DOCK10: variants seen among roughly 807,000 people sequenced by gnomAD.
DOCK10 encodes dedicator of cytokinesis 10.
In DOCK10, 145 loss-of-function variants were observed where a neutral mutation model predicts 280.1. The observed-to-expected ratio is 0.52, with a 90% CI of 0.45 to 0.59. The LOEUF (loss-of-function observed/expected upper bound fraction) is 0.59. Ranked by LOEUF, DOCK10 falls within the 20% of genes least tolerant of loss-of-function variation. The probability of loss-of-function intolerance (pLI) is 0.00; values close to 1 mark genes in which losing one functional copy is unlikely to be tolerated. For synonymous variants in DOCK10, 915 were observed against 942.2 expected, an observed-to-expected ratio of 0.97 and a Z score of 0.53; for missense variants, 2,368 against 2,651.7, an observed-to-expected ratio of 0.89 and a Z score of 2.35.
intron 51 of DOCK10, among the ~76,000 whole-genome samples, chr2:224,776,289 G>A (rs1304066208): frequency 6.6e-6 from 1 of 152,144 alleles, no homozygotes; most frequent in Non-Finnish European, 1.5e-5. Flanking sequence ...ACACTGTAAG[G>A]CGGGTATAAT....
At chr2:224,988,436 A>G (rs1488115399) in intron 1 of DOCK10, among the ~76,000 whole-genome samples, 2 of 152,216 alleles carry the variant, frequency 1.3e-5, no homozygotes, top group East Asian at 1.9e-4. Flanking sequence ...TGTGCCAGGC[A>G]CAGTGCTAAT....
At chr2:224,972,478 A>G (rs1346559165) in intron 1 of DOCK10, among the ~76,000 whole-genome samples, 1 of 152,234 alleles carries the variant, frequency 6.6e-6, no homozygotes, top group East Asian at 1.9e-4. Context: ...TTGGTAGAAG[A>G]ATCAAGATGC....
intron 2 of DOCK10, among the ~76,000 whole-genome samples, chr2:224,921,877 AT>A (rs1332891277): frequency 7.9e-5 from 12 of 152,080 alleles, no homozygotes; most frequent in Non-Finnish European, 1.8e-4. Context: ...AGGCGGGTGG[AT>A]CACCTGAGGT....
intron 50 of DOCK10, chr2:224,778,493 T>G (rs1187080476): frequency 3.3e-6 from 2 of 613,736 alleles, no homozygotes; most frequent in Non-Finnish European, 5.8e-6. Context: ...TGTAAATATT[T>G]CCTAGCCAGG....
chr2:224,797,001 A>C lies in DOCK10; in HGVS notation c.4790T>G (p.Phe1597Cys). 6.2e-7 allele frequency: 1 copy of C among 1,613,316 alleles called. No individual in the cohort carries two copies. Among genetic ancestry groups the C allele is most frequent in the Non-Finnish European group, 8.5e-7 (1 of 1,179,624 alleles). ...CCGGACAATTGACTTCTGCTTGTTAAATTCAAAATTCTTCCTCATGAAAAA... is the reference window on the plus strand; with the variant it reads ...CCGGACAATTGACTTCTGCTTGTTACATTCAAAATTCTTCCTCATGAAAAA... ...LYFFMRKNFE[F>C]NKQKSIVRSH... is the part of the protein sequence containing the mutation. The change falls in exon 43 of 56, where the codon TTT becomes TGT. Residue 1597 changes from phenylalanine to cysteine, a missense_variant. Phe to Cys is a radical substitution (Grantham distance 205). Coordinates refer to ENST00000258390, the MANE Select transcript of DOCK10 (RefSeq NM_014689.3).
rs148464672 is a variant in DOCK10 at position 224,889,074 on chromosome 2, C to T, written c.417-2543G>A. Among the ~76,000 whole-genome samples, 382 of 152,146 alleles carry T rather than the reference C, an allele frequency of 2.5e-3. 1 individual carries two copies. Among genetic ancestry groups the T allele is most frequent in the African/African-American group, 8.7e-3 (363 of 41,512 alleles). ...AATTAAATATGCAGAGATAATAAAA[C>T]GGTATTTGTTTTAAGATTATTTATA... On this transcript the variant is annotated intron_variant, in intron 4 of 55. Transcript: ENST00000258390.
At chr2:224,785,562 G>T (rs1038270028) in intron 50 of DOCK10, among the ~76,000 whole-genome samples, 2 of 152,038 alleles carry the variant, frequency 1.3e-5, no homozygotes, top group African/African-American at 4.8e-5. Flanking sequence ...CTCACTGCAA[G>T]CTCTGCCTCC....
At chr2:224,859,879 T>A (rs992553751) in intron 14 of DOCK10, among the ~76,000 whole-genome samples, 7 of 152,244 alleles carry the variant, frequency 4.6e-5, no homozygotes, top group Non-Finnish European at 8.8e-5. Flanking sequence ...TTGAAGCAGT[T>A]TCCACATTGT....
chr2:224,946,995 T>C (rs1703458243), intron 1 of DOCK10: 2 of 1,520,922 alleles, frequency 1.3e-6, no homozygotes, highest in African/African-American at 1.4e-5. Flanking sequence ...AAAATATCAA[T>C]GTCGTTAAAC....
intron 3 of DOCK10, among the ~76,000 whole-genome samples, chr2:224,916,339 G>C (rs1277691252): frequency 6.6e-6 from 1 of 152,200 alleles, no homozygotes; most frequent in Non-Finnish European, 1.5e-5. Flanking sequence ...TCAAGAGTTC[G>C]AGAGCAGCCT....
intron 2 of DOCK10, among the ~76,000 whole-genome samples, chr2:224,919,070 G>C (rs969882126): frequency 1.1e-4 from 16 of 149,402 alleles, no homozygotes; most frequent in Admixed American, 4.0e-4. Flanking sequence ...TGTATGTGTG[G>C]TGTGTGTGTG....
At chr2:224,833,485 A>G (rs61379251) in intron 26 of DOCK10, among the ~76,000 whole-genome samples, 6 of 149,904 alleles carry the variant, frequency 4.0e-5, no homozygotes, top group Admixed American at 1.3e-4. Context: ...TTCGCCTTCA[A>G]ATTTTTTTTT....
At chr2:224,879,556 A>G (rs1574983899) in intron 7 of DOCK10, among the ~76,000 whole-genome samples, 1 of 152,118 alleles carries the variant, frequency 6.6e-6, no homozygotes. Flanking sequence ...CCAGGAGTTT[A>G]AGACCAGCCT....
rs1052622921 is a variant in DOCK10, at chr2:224,830,656, C to T, written c.2965-44G>A. On this transcript the variant is annotated intron_variant, in intron 26 of 55. Transcript: ENST00000258390. ...CAACGAGACATTTATTATCCTATGGCAAAATAATGATAATTTTTTCTTTGC... is the reference window on the plus strand; with the variant it reads ...CAACGAGACATTTATTATCCTATGGTAAAATAATGATAATTTTTTCTTTGC... The T allele has an allele frequency of 6.7e-6, 8 of 1,191,338 alleles. No homozygotes were observed. In the Admixed American group the frequency reaches 1.7e-4, roughly 25 times the overall value. The allele number at this position is 1,191,338 out of a possible 1,614,324, so 73.8% of individuals were successfully genotyped here. A position where few individuals can be genotyped will look rare whatever the true frequency, so the allele number is the denominator to read the frequency against.
chr2:224,788,485 T>C (rs1207582347), intron 48 of DOCK10, among the ~76,000 whole-genome samples: 1 of 152,194 alleles, frequency 6.6e-6, no homozygotes, highest in East Asian at 1.9e-4. Context: ...TAAAATTGTA[T>C]TAAAATTCAT....
chr2:224,876,278 G>A lies in DOCK10; in HGVS notation c.748-57C>T. On this transcript the variant is annotated intron_variant, in intron 7 of 55. Coordinates refer to ENST00000258390, the MANE Select transcript of DOCK10 (RefSeq NM_014689.3). ...AATACCAAAAAATAAGCCTTCGAGA[G>A]AGAGATCATTTATGTGGGCTTGAGG... 4 of 1,425,138 alleles carry A rather than the reference G, an allele frequency of 2.8e-6. 1 individual carries two copies. Among genetic ancestry groups the A allele is most frequent in the South Asian group, 2.7e-5 (2 of 72,804 alleles). The allele number at this position is 1,425,138 out of a possible 1,614,324, so 88.3% of individuals were successfully genotyped here. A position where few individuals can be genotyped will look rare whatever the true frequency, so the allele number is the denominator to read the frequency against.
At chr2:225,028,341 G>A (rs1255807374) in intron 1 of DOCK10, among the ~76,000 whole-genome samples, 1 of 152,102 alleles carries the variant, frequency 6.6e-6, no homozygotes, top group Non-Finnish European at 1.5e-5. Context: ...GCTGGCAATA[G>A]ACCTCAGTTT....
At chr2:225,005,871 T>A (rs1575161160) in intron 1 of DOCK10, among the ~76,000 whole-genome samples, 1 of 152,206 alleles carries the variant, frequency 6.6e-6, no homozygotes, top group East Asian at 1.9e-4. Flanking sequence ...TATTTAAAGC[T>A]GTGTATGAAA....
chr2:225,013,962 A>G (rs1004687974), intron 1 of DOCK10, among the ~76,000 whole-genome samples: 1 of 151,956 alleles, frequency 6.6e-6, no homozygotes, highest in Non-Finnish European at 1.5e-5. Flanking sequence ...AGCATTTAAG[A>G]GCCTTTCATA....
Sources: allele counts gnomAD v4.1 joint callset (sites outside exome capture counted in the v4.1 genomes callset), GRCh38; gene constraint gnomAD v4.1.1; transcripts MANE v1.5; gene names NCBI Gene and HGNC (gene_info 2026-07-23, HGNC 2026-07-21).